Variants in IFT46 observed in about 807,000 individuals in gnomAD.
The protein encoded by IFT46 is intraflagellar transport protein 46 homolog.
IFT46 carries 19 observed loss-of-function variants against 39.6 expected under a neutral mutation model. The observed-to-expected ratio is 0.48, with a 90% CI of 0.33 to 0.70. The LOEUF is 0.70. Ranked by LOEUF, IFT46 falls within the 30% of genes least tolerant of loss-of-function variation. The probability of loss-of-function intolerance (pLI) is 0.01; values close to 1 mark genes in which losing one functional copy is unlikely to be tolerated. For missense variants in IFT46, 334 were observed against 364.8 expected (o/e 0.92, Z 0.69); for synonymous variants, 117 against 134.8 (o/e 0.87, Z 0.91).
In IFT46 at chr11:118,556,906, C is replaced by A; in HGVS notation, c.185G>T (p.Gly62Val). The A allele has an allele frequency of 6.3e-7, 1 of 1,588,204 alleles. No individual in the cohort carries two copies. Among genetic ancestry groups the A allele is most frequent in the South Asian group, 1.2e-5 (1 of 85,850 alleles). Residue 62 changes from glycine to valine, a missense_variant and splice_region_variant, in exon 4 of 12, where the codon GGG (glycine) becomes GTG (valine). By Grantham distance (109) the Gly-to-Val change is moderately radical. Coordinates refer to ENST00000264021, the MANE Select transcript of IFT46 (RefSeq NM_001168618.2). Reference sequence around the variant, plus strand: ...CTTGGCTTGGGTGTTCTTTCCTCACCCTTCCAGAGGGGCTCCATGCTCTTC... The same window carrying A: ...CTTGGCTTGGGTGTTCTTTCCTCACACTTCCAGAGGGGCTCCATGCTCTTC... ...DDEEHGAPLE[G>V]AYDPADYEHL...
At chr11:118,550,959 G>A (rs985838472) in intron 9 of IFT46, among the ~76,000 whole-genome samples, 2 of 150,276 alleles carry the variant, frequency 1.3e-5, no homozygotes, top group Non-Finnish European at 3.0e-5. Flanking sequence ...CCTGCGGGGG[G>A]TACGGAGGTT....
chr11:118,567,111 A>G (rs1938243462), upstream of IFT46, among the ~76,000 whole-genome samples: 1 of 151,912 alleles, frequency 6.6e-6, no homozygotes, highest in Non-Finnish European at 1.5e-5. Context: ...TTAATTAGCC[A>G]GGTGTGGTGG....
intron 4 of IFT46, among the ~76,000 whole-genome samples, 154 bp downstream of exon 4, chr11:118,556,752 A>G (rs2135496469): frequency 6.6e-6 from 1 of 152,302 alleles, no homozygotes; most frequent in East Asian, 1.9e-4. Flanking sequence ...AGGAAAACTC[A>G]TTATTATGTT....
chr11:118,560,737 C>T lies in IFT46; in HGVS notation c.-35-873G>A, dbSNP rs143305187. 2.2e-3 allele frequency: 1,489 copies of T among 672,182 alleles called. 7 individuals are homozygous for T. The highest frequency in any genetic ancestry group is 0.01 in the East Asian group (399 of 38,552). The allele number at this position is 672,182 out of a possible 1,614,324, so 41.6% of individuals were successfully genotyped here. A position where few individuals can be genotyped will look rare whatever the true frequency, so the allele number is the denominator to read the frequency against. On this transcript the variant is annotated intron_variant, in intron 2 of 11. Transcript: ENST00000264021. ...AGAATAAAGCCTACTTTAAGAGATA[C>T]CAAGTGAAATTTAGAAGACGACGAG... is the stretch of plus-strand genomic sequence containing the variant.
At chr11:118,552,561 G>C (rs1017743910) in intron 7 of IFT46, among the ~76,000 whole-genome samples, 2 of 152,176 alleles carry the variant, frequency 1.3e-5, no homozygotes, top group Admixed American at 6.5e-5. Context: ...GGCAGTCTGA[G>C]GTGGGAGGAT....
chr11:118,550,140 T>C (rs1242744886), intron 9 of IFT46, among the ~76,000 whole-genome samples: 1 of 152,052 alleles, frequency 6.6e-6, no homozygotes, highest in Non-Finnish European at 1.5e-5. Context: ...TTTCGCCATG[T>C]TGGCCAGGCT....
chr11:118,565,504 G>A (rs1158802954), intron 1 of IFT46: 2 of 138,118 alleles, frequency 1.4e-5, no homozygotes, highest in African/African-American at 2.7e-5. Flanking sequence ...GGGGTGGGCT[G>A]AGGCGGGGTA....
chr11:118,570,794 G>T (rs940192572), upstream of IFT46, among the ~76,000 whole-genome samples: 11 of 152,152 alleles, frequency 7.2e-5, no homozygotes, highest in Non-Finnish European at 1.5e-5. Context: ...GAGCACAACT[G>T]CCCTGCTTCC....
At chr11:118,547,990 C>T (rs1316842724) in intron 9 of IFT46, among the ~76,000 whole-genome samples, 2 of 150,720 alleles carry the variant, frequency 1.3e-5, no homozygotes, top group Non-Finnish European at 3.0e-5. Context: ...TCGTGATCCG[C>T]CCGCCTCGGC....
intron 2 of IFT46, chr11:118,560,345 G>A: frequency 5.7e-6 from 1 of 174,550 alleles, no homozygotes; most frequent in Non-Finnish European, 1.2e-5. Context: ...CTTAAACCCA[G>A]GAGTTCGAGG....
chr11:118,546,208 C>A, intron 9 of IFT46: 1 of 716,944 alleles, frequency 1.4e-6, no homozygotes, highest in South Asian at 1.5e-5. Context: ...CAGAAGAAAT[C>A]AATCTTGGTG....
upstream of IFT46, among the ~76,000 whole-genome samples, chr11:118,568,823 T>A (rs1938281145): frequency 6.6e-6 from 1 of 151,484 alleles, no homozygotes; most frequent in South Asian, 2.1e-4. Context: ...GCCCAGCTAA[T>A]TTTTGTATTT....
At chr11:118,563,343 A>G (rs1938124694) in intron 2 of IFT46, among the ~76,000 whole-genome samples, 1 of 152,208 alleles carries the variant, frequency 6.6e-6, no homozygotes, top group South Asian at 2.1e-4. Flanking sequence ...TGATCTGGAA[A>G]TAGTGGCGAT....
chr11:118,557,835 G>A, intron 3 of IFT46: 1 of 1,614,090 alleles, frequency 6.2e-7, no homozygotes, highest in Non-Finnish European at 8.5e-7. Flanking sequence ...AGGTGGAACA[G>A]GGTCCATGTC....
intron 4 of IFT46, among the ~76,000 whole-genome samples, chr11:118,556,675 G>T (rs1055038844): frequency 9.2e-5 from 14 of 151,980 alleles, no homozygotes; most frequent in African/African-American, 3.1e-4. Context: ...TAACCCCCAA[G>T]CCCACAAACG....
intron 3 of IFT46, among the ~76,000 whole-genome samples, chr11:118,558,604 A>G (rs1453957590): frequency 6.6e-6 from 1 of 151,590 alleles, no homozygotes; most frequent in South Asian, 2.1e-4. Flanking sequence ...TCTCAAAACA[A>G]AAACAAAAAC....
intron 9 of IFT46, among the ~76,000 whole-genome samples, chr11:118,549,997 C>T (rs1471189649): frequency 3.8e-4 from 57 of 150,782 alleles, no homozygotes; most frequent in Admixed American, 3.8e-3. Flanking sequence ...AATCTTTGCT[C>T]ACTGCAACCT....
intron 9 of IFT46, among the ~76,000 whole-genome samples, chr11:118,548,990 G>A (rs183896631): frequency 1.0e-4 from 15 of 150,742 alleles, no homozygotes; most frequent in African/African-American, 3.7e-4. Context: ...CACCCCTCCT[G>A]GGTTCAAGAG....
At chr11:118,567,563 G>A (rs1198367998), upstream of IFT46, among the ~76,000 whole-genome samples, 2 of 152,164 alleles carry the variant, frequency 1.3e-5, no homozygotes, top group African/African-American at 2.4e-5. Context: ...GCGACAGGGC[G>A]AGACTCCGTC....
Sources: allele counts gnomAD v4.1 joint callset (sites outside exome capture counted in the v4.1 genomes callset), GRCh38; gene constraint gnomAD v4.1.1; transcripts MANE v1.5; gene names NCBI Gene and HGNC (gene_info 2026-07-23, HGNC 2026-07-21).